The following NRXN3 variants were observed in gnomAD, a reference collection of about 807,000 sequenced individuals.
The protein encoded by NRXN3 is neurexin III.
NRXN3 carries 32 observed loss-of-function variants against 137.6 expected under a neutral mutation model. The ratio of observed to expected loss-of-function variants is 0.23; its 90% CI spans 0.18 to 0.31. The LOEUF is 0.31. NRXN3 is among the 10% of genes least tolerant of loss of function. The pLI, the probability that NRXN3 is intolerant of heterozygous loss-of-function variation, is 1.00. For missense variants in NRXN3, 1,574 were observed against 2,062.5 expected (o/e 0.76, Z 4.59); for synonymous variants, 798 against 784.5 (o/e 1.02, Z -0.29).
At chr14:78,998,149 G>A (rs964360037) in intron 15 of NRXN3, among the ~76,000 whole-genome samples, 2 of 152,186 alleles carry the variant, frequency 1.3e-5, no homozygotes, top group African/African-American at 4.8e-5. Context: ...CATGTCTCAT[G>A]AGCCATTGTT....
intron 15 of NRXN3, among the ~76,000 whole-genome samples, chr14:79,439,966 G>T (rs2095905674): frequency 6.6e-6 from 1 of 152,176 alleles, no homozygotes; most frequent in African/African-American, 2.4e-5. Flanking sequence ...TTTTTATAAG[G>T]TGAAGAAGTG....
chr14:79,323,448 G>A (rs189481754), intron 15 of NRXN3, among the ~76,000 whole-genome samples: 66 of 152,316 alleles, frequency 4.3e-4, no homozygotes, highest in African/African-American at 1.6e-3. Flanking sequence ...TCAATAAAAG[G>A]AAGCTCTTTA....
chr14:79,755,152 C>T (rs1194430452), intron 19 of NRXN3, among the ~76,000 whole-genome samples: 1 of 152,084 alleles, frequency 6.6e-6, no homozygotes, highest in South Asian at 2.1e-4. Context: ...GTCAAGATGA[C>T]CCATTTCTCA....
intron 15 of NRXN3, among the ~76,000 whole-genome samples, chr14:79,183,799 A>G (rs2063212658): frequency 6.6e-6 from 1 of 152,188 alleles, no homozygotes; most frequent in Non-Finnish European, 1.5e-5. Context: ...TAAAAGTCGA[A>G]AGGATTCCAG....
intron 15 of NRXN3, among the ~76,000 whole-genome samples, chr14:79,228,874 T>C (rs920741584): frequency 2.6e-5 from 4 of 152,178 alleles, no homozygotes; most frequent in Non-Finnish European, 5.9e-5. Context: ...TTAGTTTTTT[T>C]AGAAGGGAGC....
At chr14:79,256,243 T>A (rs1465317708) in intron 15 of NRXN3, among the ~76,000 whole-genome samples, 1 of 152,036 alleles carries the variant, frequency 6.6e-6, no homozygotes. Context: ...AAAGGAATGC[T>A]GTGAGGAATT....
chr14:79,791,303 T>C lies in NRXN3; in HGVS notation c.4015-13809T>C, dbSNP rs1045719104. ...TCTCTCTGTATTGTTCTCTCTGTTA[T>C]GATTGGCTCTAACTTCCATTAAGAG... On this transcript the variant is annotated intron_variant, in intron 19 of 20. Coordinates refer to ENST00000335750, the MANE Select transcript of NRXN3 (RefSeq NM_001330195.2). 1.2e-4 allele frequency: 18 copies of C among 152,098 alleles called. No homozygotes were observed. In the East Asian group the frequency reaches 3.3e-3, roughly 28 times the overall value. 9.4% of individuals were successfully genotyped at this position (152,098 alleles called of 1,614,324 possible). A position where few individuals can be genotyped will look rare whatever the true frequency, so the allele number is the denominator to read the frequency against.
intron 15 of NRXN3, among the ~76,000 whole-genome samples, chr14:79,235,734 T>C (rs1377764019): frequency 6.6e-6 from 1 of 152,244 alleles, no homozygotes; most frequent in Non-Finnish European, 1.5e-5. Flanking sequence ...TAATCCAGAG[T>C]TGATTTACTC....
intron 15 of NRXN3, among the ~76,000 whole-genome samples, chr14:79,263,728 T>A (rs945234677): frequency 6.6e-6 from 1 of 152,164 alleles, no homozygotes; most frequent in African/African-American, 2.4e-5. Flanking sequence ...GGACTTTTTT[T>A]CCAGAAAAAA....
chr14:78,913,569 C>T (rs538383700), intron 10 of NRXN3, among the ~76,000 whole-genome samples: 22 of 152,070 alleles, frequency 1.4e-4, no homozygotes, highest in East Asian at 1.2e-3. Context: ...TGAGCCACCG[C>T]GGCCGGCCAC....
At chr14:79,178,012 C>T (rs906075417) in intron 15 of NRXN3, among the ~76,000 whole-genome samples, 6 of 152,148 alleles carry the variant, frequency 3.9e-5, no homozygotes, top group South Asian at 4.1e-4. Flanking sequence ...GTGGTTGTTG[C>T]CATCAAGGCC....
chr14:78,731,346 A>G (rs2098514446), intron 8 of NRXN3, among the ~76,000 whole-genome samples: 1 of 152,146 alleles, frequency 6.6e-6, no homozygotes, highest in South Asian at 2.1e-4. Flanking sequence ...CCATTTAAAA[A>G]AATAAACACT....
chr14:79,612,789 T>G (rs2098118368), intron 16 of NRXN3, among the ~76,000 whole-genome samples: 1 of 152,118 alleles, frequency 6.6e-6, no homozygotes, highest in Admixed American at 6.5e-5. Flanking sequence ...AAGGCTGCAG[T>G]GAACTAGGAT....
intron 8 of NRXN3, among the ~76,000 whole-genome samples, chr14:78,753,215 G>T (rs756785184): frequency 3.3e-5 from 5 of 152,098 alleles, no homozygotes; most frequent in Non-Finnish European, 7.3e-5. Flanking sequence ...CTTCAACAAG[G>T]AAGTTCCATG....
intron 4 of NRXN3, among the ~76,000 whole-genome samples, chr14:78,502,933 A>G (rs1439641701): frequency 6.6e-6 from 1 of 152,158 alleles, no homozygotes; most frequent in Admixed American, 6.5e-5. Flanking sequence ...ATTTTTGGCA[A>G]TTTCTACATT....
chr14:79,796,977 CA>C (rs1568284090), intron 19 of NRXN3, among the ~76,000 whole-genome samples: 1 of 152,072 alleles, frequency 6.6e-6, no homozygotes, highest in African/African-American at 2.4e-5. Flanking sequence ...GCTTAAATCT[CA>C]GTAGTCTATA....
chr14:78,331,939 A>C (rs903674232), intron 4 of NRXN3, among the ~76,000 whole-genome samples: 13 of 152,194 alleles, frequency 8.5e-5, no homozygotes, highest in African/African-American at 3.1e-4. Context: ...CCAATTAGAG[A>C]GAAAACCATG....
At chr14:79,272,714 C>T (rs1274852449) in intron 15 of NRXN3, among the ~76,000 whole-genome samples, 1 of 152,168 alleles carries the variant, frequency 6.6e-6, no homozygotes, top group African/African-American at 2.4e-5. Flanking sequence ...GCCTGCATTA[C>T]CTGGTTCCAG....
chr14:79,137,488 G>A (rs376144486), intron 15 of NRXN3, among the ~76,000 whole-genome samples: 25 of 152,264 alleles, frequency 1.6e-4, no homozygotes, highest in Admixed American at 1.1e-3. Flanking sequence ...GGGCAATCAT[G>A]CAGAGCCCTT....
Sources: gnomAD v4.1 joint callset for allele counts (sites outside exome capture counted in the v4.1 genomes callset) on GRCh38, gnomAD v4.1.1 for gene constraint, MANE v1.5 for transcripts, NCBI Gene and HGNC (gene_info 2026-07-23, HGNC 2026-07-21) for gene names.